The following BRAF variants were observed in gnomAD, a reference collection of about 807,000 sequenced individuals.
The protein encoded by BRAF is serine/threonine-protein kinase B-raf.
Under a neutral mutation model 104.6 loss-of-function variants are expected in BRAF, and 16 were observed. That is an observed-to-expected ratio of 0.15 (90% CI 0.10 to 0.23). BRAF has a LOEUF of 0.23. BRAF is among the 10% of genes least tolerant of loss of function. The pLI is 1.00. For synonymous variants in BRAF, 310 were observed against 341.6 expected, an observed-to-expected ratio of 0.91 and a Z score of 1.02; for missense variants, 541 against 937.3, an observed-to-expected ratio of 0.58 and a Z score of 5.52.
In BRAF at chr7:140,720,670, C is replaced by T. The variant is rs988419346; in HGVS notation, c.*5824G>A. On this transcript the variant is annotated 3_prime_UTR_variant, in exon 20 of 20. Transcript: ENST00000644969. ...CTATCCTAGATTTACTGCCACCTCA[C>T]CCCATTTTGGTCTCTGTTCTCTACA... The T allele has an allele frequency of 1.0e-5, 11 of 1,065,758 alleles. No homozygotes were observed. The highest frequency in any genetic ancestry group is 1.3e-5 in the Non-Finnish European group (11 of 879,622). The allele number at this position is 1,065,758 out of a possible 1,614,324, so 66.0% of individuals were successfully genotyped here.
chr7:140,744,874 A>AATTAT (rs1319279052), intron 17 of BRAF, among the ~76,000 whole-genome samples: 2 of 152,210 alleles, frequency 1.3e-5, no homozygotes, highest in African/African-American at 4.8e-5. Context: ...AACATAATTC[A>AATTAT]GAATTAAAAA....
intron 1 of BRAF, among the ~76,000 whole-genome samples, chr7:140,923,452 GCTGA>G (rs764542808): frequency 6.6e-6 from 1 of 152,146 alleles, no homozygotes; most frequent in South Asian, 2.1e-4. Context: ...GTGCTAAGAG[GCTGA>G]CTAATGCAAA....
At chr7:140,884,063 C>A (rs1341480457) in intron 1 of BRAF, 3 of 152,086 alleles carry the variant, frequency 2.0e-5, no homozygotes. Context: ...ACTTTGATAA[C>A]AAAATTTGGT....
rs1474398117 is a variant in BRAF at position 140,801,144 on chromosome 7, C to G, written c.860+268G>C. On this transcript the variant is annotated intron_variant, in intron 6 of 19. Transcript: ENST00000644969. ...CTCTCCCTCTCCTCCTAGAAACTAT[C>G]CAAAAATGGTTTCTATGGGTTAGGG... 3 of 350,444 alleles carry G rather than the reference C, an allele frequency of 8.6e-6. No homozygotes were observed. The South Asian group carries it at 1.3e-4, about 15-fold the overall frequency. 21.7% of individuals were successfully genotyped at this position (350,444 alleles called of 1,614,324 possible).
Position 140,902,073 on chromosome 7 carries a change from G to A in BRAF, c.138+22493C>T, listed in dbSNP as rs151183511. 8.2e-4 allele frequency among the ~76,000 whole-genome samples: 125 copies of A among 152,300 alleles called. 1 individual carries two copies. Among genetic ancestry groups the A allele is most frequent in the African/African-American group, 2.4e-3 (98 of 41,562 alleles). On this transcript the variant is annotated intron_variant, in intron 1 of 19. Transcript: ENST00000644969. ...TGTGCTTTGCTTTACTGCTCTTAGC[G>A]GATAATGGTTTTTGTTTGTTTTTTA...
chr7:140,735,720 C>A (rs1562931785), intron 18 of BRAF, among the ~76,000 whole-genome samples: 1 of 151,836 alleles, frequency 6.6e-6, no homozygotes, highest in Non-Finnish European at 1.5e-5. Flanking sequence ...CCATGCCCAG[C>A]TAAATTTTTG....
intron 14 of BRAF, among the ~76,000 whole-genome samples, chr7:140,768,932 C>G (rs1341923052): frequency 6.6e-6 from 1 of 152,196 alleles, no homozygotes; most frequent in Non-Finnish European, 1.5e-5. Flanking sequence ...AAAGCCCTCA[C>G]CAGAAGCCCA....
At chr7:140,779,014 T>C (rs1423032449) in intron 12 of BRAF, among the ~76,000 whole-genome samples, 1 of 152,192 alleles carries the variant, frequency 6.6e-6, no homozygotes, top group East Asian at 1.9e-4. Flanking sequence ...AATCATGTTA[T>C]AGTCACACAA....
intron 9 of BRAF, among the ~76,000 whole-genome samples, chr7:140,787,092 G>T (rs1357717945): frequency 2.6e-5 from 4 of 151,866 alleles, no homozygotes; most frequent in Non-Finnish European, 5.9e-5. Context: ...ACGAGGTCAG[G>T]AGATCGAGAC....
intron 9 of BRAF, among the ~76,000 whole-genome samples, chr7:140,787,315 A>AG (rs1438744054): frequency 6.6e-6 from 1 of 151,430 alleles, no homozygotes; most frequent in African/African-American, 2.4e-5. Flanking sequence ...AAAAAAAAAA[A>AG]AAAAAAAAAG....
intron 18 of BRAF, among the ~76,000 whole-genome samples, chr7:140,739,476 TTTC>T (rs1259295860): frequency 6.9e-6 from 1 of 144,740 alleles, no homozygotes; most frequent in Non-Finnish European, 1.5e-5. Flanking sequence ...ATAGTTTTAA[TTTC>T]TAATAAGGAA....
At chr7:140,786,933 G>A (rs867073069) in intron 9 of BRAF, among the ~76,000 whole-genome samples, 7 of 152,102 alleles carry the variant, frequency 4.6e-5, no homozygotes, top group South Asian at 4.1e-4. Flanking sequence ...TGTAGTCTAC[G>A]GCCATACCAT....
chr7:140,762,743 AGGACCCTGC>A (rs1798877697), intron 14 of BRAF, among the ~76,000 whole-genome samples: 1 of 152,040 alleles, frequency 6.6e-6, no homozygotes, highest in Admixed American at 6.5e-5. Flanking sequence ...TCCTAGGCAG[AGGACCCTGC>A]GGCCTTCCGC....
chr7:140,838,809 A>G (rs1363700898), intron 2 of BRAF, among the ~76,000 whole-genome samples: 1 of 152,244 alleles, frequency 6.6e-6, no homozygotes, highest in East Asian at 1.9e-4. Context: ...TAAATCCATA[A>G]AGGCAAAAAG....
rs982307841 is a variant in BRAF at position 140,722,371 on chromosome 7, C to T, written c.*4123G>A. ...CAGCTGAGTTAAACCAGAGTGGCTG[C>T]TCTCTTCACAAATCACTGATTTCTG... On this transcript the variant is annotated 3_prime_UTR_variant, in exon 20 of 20. Transcript: ENST00000644969. The T allele has an allele frequency of 4.7e-6, 5 of 1,054,866 alleles. No homozygotes were observed. The highest frequency in any genetic ancestry group is 5.7e-6 in the Non-Finnish European group (5 of 872,832). The allele number at this position is 1,054,866 out of a possible 1,614,324, so 65.3% of individuals were successfully genotyped here. A position where few individuals can be genotyped will look rare whatever the true frequency, so the allele number is the denominator to read the frequency against.
intron 2 of BRAF, among the ~76,000 whole-genome samples, chr7:140,848,256 A>T (rs1416826060): frequency 6.6e-6 from 1 of 152,208 alleles, no homozygotes; most frequent in African/African-American, 2.4e-5. Flanking sequence ...AGAGATCAAG[A>T]ACACAGATTT....
intron 2 of BRAF, among the ~76,000 whole-genome samples, chr7:140,848,078 A>C (rs2129072255): frequency 6.6e-6 from 1 of 152,330 alleles, no homozygotes; most frequent in East Asian, 1.9e-4. Flanking sequence ...TGTGTGTCTA[A>C]TTCTAAAAGA....
At chr7:140,880,627 G>A (rs1377327356) in intron 1 of BRAF, among the ~76,000 whole-genome samples, 3 of 152,104 alleles carry the variant, frequency 2.0e-5, no homozygotes, top group Non-Finnish European at 4.4e-5. Context: ...GGCAGCTATA[G>A]CCTAATAAAA....
At chr7:140,842,794 A>C (rs1473775668) in intron 2 of BRAF, among the ~76,000 whole-genome samples, 1 of 152,216 alleles carries the variant, frequency 6.6e-6, no homozygotes, top group Non-Finnish European at 1.5e-5. Flanking sequence ...ATTTCACTGT[A>C]GTTATCATCA....
Sources: allele counts gnomAD v4.1 joint callset (sites outside exome capture counted in the v4.1 genomes callset), GRCh38; gene constraint gnomAD v4.1.1; transcripts MANE v1.5; gene names NCBI Gene and HGNC (gene_info 2026-07-23, HGNC 2026-07-21).